Variants in DCDC1 observed in about 807,000 individuals in gnomAD.
DCDC1 encodes doublecortin domain containing 1.
A neutral mutation model predicts 178.3 loss-of-function variants in DCDC1; 200 were observed. The ratio of observed to expected loss-of-function variants is 1.12; its 90% CI spans 1.00 to 1.26. The LOEUF is 1.26. DCDC1 is among the 50% of genes most tolerant of loss of function. The pLI, the probability that DCDC1 is intolerant of heterozygous loss-of-function variation, is 0.00. For synonymous variants in DCDC1, 690 were observed against 604.8 expected, an observed-to-expected ratio of 1.14 and a Z score of -2.07; for missense variants, 1,983 against 1,749.2, an observed-to-expected ratio of 1.13 and a Z score of -2.38.
At chr11:31,269,564 T>C (rs1945405618) in intron 7 of DCDC1, among the ~76,000 whole-genome samples, 1 of 151,914 alleles carries the variant, frequency 6.6e-6, no homozygotes, top group African/African-American at 2.4e-5. Flanking sequence ...TTTTTAATTT[T>C]TGTAGAGATG....
At chr11:30,969,908 T>TAGAG (rs1949683707) in intron 20 of DCDC1, among the ~76,000 whole-genome samples, 1 of 152,242 alleles carries the variant, frequency 6.6e-6, no homozygotes, top group South Asian at 2.1e-4. Flanking sequence ...GGGACTTGAC[T>TAGAG]AGAGGTATCT....
intron 36 of DCDC1, among the ~76,000 whole-genome samples, chr11:30,889,244 T>C (rs1006981648): frequency 2.6e-5 from 4 of 152,154 alleles, no homozygotes; most frequent in African/African-American, 9.7e-5. Context: ...CCTTGGTGCA[T>C]TGATGACTGA....
At chr11:31,206,052 A>G (rs1341405793) in intron 9 of DCDC1, among the ~76,000 whole-genome samples, 1 of 152,192 alleles carries the variant, frequency 6.6e-6, no homozygotes, top group African/African-American at 2.4e-5. Flanking sequence ...ACTGCGATAG[A>G]TGAGTTTTAG....
intron 3 of DCDC1, among the ~76,000 whole-genome samples, chr11:31,321,983 A>T (rs945648278): frequency 1.3e-5 from 2 of 152,208 alleles, no homozygotes; most frequent in Admixed American, 1.3e-4. Context: ...GGATGACAAG[A>T]CACCTAAGAG....
intron 20 of DCDC1, among the ~76,000 whole-genome samples, chr11:30,967,229 C>A (rs71482082): frequency 0.015 from 1,991 of 135,642 alleles, 25 homozygotes; most frequent in South Asian, 0.053. Context: ...TTCTTCCTAC[C>A]CATGAGCATG....
intron 20 of DCDC1, among the ~76,000 whole-genome samples, chr11:30,969,277 T>C (rs1363197207): frequency 3.3e-5 from 5 of 152,184 alleles, no homozygotes; most frequent in Non-Finnish European, 7.3e-5. Flanking sequence ...AACCTAATCA[T>C]AAGTGTCCTT....
intron 20 of DCDC1, among the ~76,000 whole-genome samples, chr11:30,991,674 C>T (rs936692396): frequency 6.6e-6 from 1 of 152,030 alleles, no homozygotes; most frequent in African/African-American, 2.4e-5. Flanking sequence ...CTTGTCTTCT[C>T]CAGCTTGAAA....
intron 8 of DCDC1, among the ~76,000 whole-genome samples, chr11:31,259,363 A>AAAT (rs1420355467): frequency 1.6e-4 from 25 of 152,234 alleles, no homozygotes; most frequent in African/African-American, 5.8e-4. Flanking sequence ...CAAAAAAGAA[A>AAAT]AATAATAATA....
At chr11:31,164,814 C>T (rs1212609494) in intron 9 of DCDC1, among the ~76,000 whole-genome samples, 4 of 152,098 alleles carry the variant, frequency 2.6e-5, no homozygotes, top group Non-Finnish European at 4.4e-5. Flanking sequence ...TCCACAGTAG[C>T]GTTCAGTAAT....
chr11:31,148,565 G>A (rs1207292230), intron 9 of DCDC1, among the ~76,000 whole-genome samples: 2 of 151,938 alleles, frequency 1.3e-5, no homozygotes, highest in Non-Finnish European at 2.9e-5. Context: ...GTAAGTTTTG[G>A]AGAATTCCCT....
At chr11:30,972,015 A>G (rs570864158) in intron 20 of DCDC1, among the ~76,000 whole-genome samples, 1 of 152,342 alleles carries the variant, frequency 6.6e-6, no homozygotes, top group South Asian at 2.1e-4. Flanking sequence ...TTGAATTTCC[A>G]GTGTCCCAGG....
chr11:31,181,336 G>A (rs569767188), intron 9 of DCDC1, among the ~76,000 whole-genome samples: 5 of 152,274 alleles, frequency 3.3e-5, no homozygotes, highest in Admixed American at 6.5e-5. Flanking sequence ...AGAGAGCAGC[G>A]GACTGCCCAA....
At chr11:31,239,321 T>C (rs1282091950) in intron 9 of DCDC1, among the ~76,000 whole-genome samples, 2 of 152,160 alleles carry the variant, frequency 1.3e-5, no homozygotes, top group African/African-American at 4.8e-5. Context: ...GGATATTTGC[T>C]AGGAAATCCC....
At chr11:31,087,370 T>C (rs1292380457) in intron 17 of DCDC1, among the ~76,000 whole-genome samples, 1 of 152,096 alleles carries the variant, frequency 6.6e-6, no homozygotes, top group Non-Finnish European at 1.5e-5. Context: ...CACTCTTTTA[T>C]TATCCCATTT....
intron 1 of DCDC1, among the ~76,000 whole-genome samples, chr11:31,342,537 G>C (rs1950602632): frequency 6.6e-6 from 1 of 152,202 alleles, no homozygotes; most frequent in East Asian, 1.9e-4. Context: ...TTTAATAAGA[G>C]AGGGTGCTTT....
intron 1 of DCDC1, among the ~76,000 whole-genome samples, chr11:31,362,662 G>C (rs985678973): frequency 6.6e-6 from 1 of 152,116 alleles, no homozygotes; most frequent in African/African-American, 2.4e-5. Context: ...AATTGCTAAT[G>C]AGCTACAAAA....
rs576367119 is a variant in DCDC1, at chr11:30,887,638, C to T, written c.5082+5180G>A. Among the ~76,000 whole-genome samples the T allele has an allele frequency of 9.9e-5, 15 of 152,238 alleles. No individual in the cohort carries two copies. The East Asian group carries it at 1.7e-3, about 18-fold the overall frequency. On this transcript the variant is annotated intron_variant, in intron 36 of 38. Coordinates refer to ENST00000684477, the MANE Select transcript of DCDC1 (RefSeq NM_001387274.1). ...ATACCCTGTGGTTGCCAATTCTGCACGTACTAGTCCACTAGAAATAAGTAT... is the reference window on the plus strand; with the variant it reads ...ATACCCTGTGGTTGCCAATTCTGCATGTACTAGTCCACTAGAAATAAGTAT...
At chr11:31,083,521 G>GGAGGATGTA (rs1410954551) in intron 17 of DCDC1, among the ~76,000 whole-genome samples, 1 of 152,142 alleles carries the variant, frequency 6.6e-6, no homozygotes, top group Admixed American at 6.5e-5. Context: ...ATGGCAAACT[G>GGAGGATGTA]GAGGATGTAT....
At chr11:31,023,185 T>C (rs1198356093) in intron 20 of DCDC1, among the ~76,000 whole-genome samples, 1 of 152,138 alleles carries the variant, frequency 6.6e-6, no homozygotes, top group Non-Finnish European at 1.5e-5. Flanking sequence ...GGCAAGCCCC[T>C]GCCTTAGTTT....
Sources: allele counts gnomAD v4.1 joint callset (sites outside exome capture counted in the v4.1 genomes callset), GRCh38; gene constraint gnomAD v4.1.1; transcripts MANE v1.5; gene names NCBI Gene and HGNC (gene_info 2026-07-23, HGNC 2026-07-21).